ARB2A: variants seen among roughly 807,000 people sequenced by gnomAD.
ARB2A encodes the protein cotranscriptional regulator ARB2A.
chr5:93,890,202 T>C, the ARB2A span, among the ~76,000 whole-genome samples: 2 of 151,988 alleles, frequency 1.3e-5, no homozygotes, highest in African/African-American at 2.4e-5. Flanking sequence ...TTTTTAGATA[T>C]AGAAATATTT....
the ARB2A span, among the ~76,000 whole-genome samples, chr5:93,852,770 T>C: frequency 3.3e-5 from 5 of 152,178 alleles, no homozygotes; most frequent in African/African-American, 1.2e-4. Flanking sequence ...GTTGTAGATA[T>C]GCGGCGTTAT....
the ARB2A span, among the ~76,000 whole-genome samples, chr5:93,677,097 T>C: frequency 6.6e-6 from 1 of 152,192 alleles, no homozygotes; most frequent in Admixed American, 6.5e-5. Context: ...AATGATCTGC[T>C]ATTAACAACA....
chr5:93,762,326 C>T, the ARB2A span, among the ~76,000 whole-genome samples: 1 of 152,114 alleles, frequency 6.6e-6, no homozygotes, highest in Non-Finnish European at 1.5e-5. Context: ...GAATGGCTGA[C>T]TAGAATAACC....
At chr5:93,989,160 G>A in the ARB2A span, among the ~76,000 whole-genome samples, 2 of 152,164 alleles carry the variant, frequency 1.3e-5, no homozygotes, top group South Asian at 2.1e-4. Flanking sequence ...TGATGAAGTC[G>A]ATGGACTCTT....
the ARB2A span, among the ~76,000 whole-genome samples, chr5:94,074,126 ACACTTCTT>A: frequency 9.2e-5 from 14 of 152,066 alleles, no homozygotes; most frequent in Admixed American, 9.2e-4. Flanking sequence ...TCAACAACAG[ACACTTCTT>A]TTCGAAGTCA....
the ARB2A span, among the ~76,000 whole-genome samples, chr5:93,947,849 T>A: frequency 1.3e-5 from 2 of 151,788 alleles, no homozygotes; most frequent in South Asian, 4.2e-4. Context: ...CATGAACTCA[T>A]CATTTTTTAT....
chr5:94,060,911 T>C, the ARB2A span, among the ~76,000 whole-genome samples: 1 of 151,982 alleles, frequency 6.6e-6, no homozygotes, highest in East Asian at 1.9e-4. Context: ...CATGACCCTA[T>C]CAACTGATGC....
the ARB2A span, among the ~76,000 whole-genome samples, chr5:93,927,772 T>C: frequency 6.6e-5 from 10 of 152,108 alleles, no homozygotes; most frequent in Non-Finnish European, 1.5e-4. Flanking sequence ...AGTAATTTGA[T>C]ACCCTAGTAT....
chr5:93,759,019 GAA>G, the ARB2A span, among the ~76,000 whole-genome samples: 1 of 151,980 alleles, frequency 6.6e-6, no homozygotes, highest in African/African-American at 2.4e-5. Context: ...ACCAAGAAAA[GAA>G]GAGAAAAAAT....
the ARB2A span, among the ~76,000 whole-genome samples, chr5:93,910,458 A>G: frequency 6.6e-6 from 1 of 151,332 alleles, no homozygotes; most frequent in Non-Finnish European, 1.5e-5. Flanking sequence ...GCTTTAAACA[A>G]ATATGTAGAG....
the ARB2A span, among the ~76,000 whole-genome samples, chr5:94,066,968 A>G: frequency 6.6e-6 from 1 of 152,340 alleles, no homozygotes; most frequent in East Asian, 1.9e-4. Flanking sequence ...CAGATTCAAC[A>G]GCACATCAAA....
chr5:93,709,151 C>T, the ARB2A span, among the ~76,000 whole-genome samples: 1 of 149,502 alleles, frequency 6.7e-6, no homozygotes, highest in Admixed American at 6.8e-5. Flanking sequence ...TGAATATATA[C>T]AATTTTTGTC....
chr5:93,996,752 T>C, the ARB2A span, among the ~76,000 whole-genome samples: 1 of 152,068 alleles, frequency 6.6e-6, no homozygotes. Flanking sequence ...AAAACATAAA[T>C]TTGTTGTTAT....
chr5:94,031,487 G>C, the ARB2A span, among the ~76,000 whole-genome samples: 1 of 152,140 alleles, frequency 6.6e-6, no homozygotes, highest in African/African-American at 2.4e-5. Flanking sequence ...GAAATGTCTA[G>C]GCAGCAAAGC....
At chr5:93,993,555 T>G in the ARB2A span, among the ~76,000 whole-genome samples, 1 of 152,090 alleles carries the variant, frequency 6.6e-6, no homozygotes. Flanking sequence ...ACCCTATAAA[T>G]GCACTGACAT....
chr5:94,092,874 G>A, the ARB2A span, among the ~76,000 whole-genome samples: 1 of 152,056 alleles, frequency 6.6e-6, no homozygotes, highest in African/African-American at 2.4e-5. Flanking sequence ...CCTCAATGTA[G>A]CAGGTTATGG....
the ARB2A span, among the ~76,000 whole-genome samples, chr5:93,652,890 T>C: frequency 6.6e-6 from 1 of 152,060 alleles, no homozygotes; most frequent in Non-Finnish European, 1.5e-5. Flanking sequence ...TGAACTAGAG[T>C]TGTAGCAGGT....
chr5:94,033,720 T>A, the ARB2A span, among the ~76,000 whole-genome samples: 1 of 152,186 alleles, frequency 6.6e-6, no homozygotes, highest in Non-Finnish European at 1.5e-5. Context: ...CCGCTGTGCC[T>A]GGCCAAAATG....
chr5:93,666,915 A>T, the ARB2A span, among the ~76,000 whole-genome samples: 727 of 152,314 alleles, frequency 4.8e-3, 6 homozygotes, highest in African/African-American at 0.016. Context: ...ACTTTTATTC[A>T]TGAGTTGTAA....
Sources: gnomAD v4.1 joint callset for allele counts (sites outside exome capture counted in the v4.1 genomes callset) on GRCh38, gnomAD v4.1.1 for gene constraint, MANE v1.5 for transcripts, NCBI Gene and HGNC (gene_info 2026-07-23, HGNC 2026-07-21) for gene names.